The following OGDH variants were observed in gnomAD, a reference collection of about 807,000 sequenced individuals.
OGDH encodes 2-oxoglutarate dehydrogenase complex component E1.
Under a neutral mutation model 116.6 loss-of-function variants are expected in OGDH, and 38 were observed. The ratio of observed to expected loss-of-function variants is 0.33; its 90% CI spans 0.25 to 0.43. OGDH has a LOEUF of 0.43. OGDH is among the 20% of genes least tolerant of loss of function. OGDH has a pLI of 1.00. For missense variants in OGDH, 825 were observed against 1,357.2 expected, an observed-to-expected ratio of 0.61 and a Z score of 6.16; for synonymous variants, 488 against 533.3, an observed-to-expected ratio of 0.92 and a Z score of 1.17.
At chr7:44,696,346 T>G (rs1306252966) in intron 13 of OGDH, 83 bp from the exon 14 acceptor site, 1 of 1,520,988 alleles carries the variant, frequency 6.6e-7, no homozygotes, top group African/African-American at 1.4e-5. Context: ...ACCCTGCTTC[T>G]CCCCAAAATC....
intron 4 of OGDH, among the ~76,000 whole-genome samples, 160 bp downstream of exon 4, chr7:44,647,919 G>T (rs1210101419): frequency 1.3e-5 from 2 of 152,180 alleles, no homozygotes; most frequent in Non-Finnish European, 2.9e-5. Flanking sequence ...TGTGTTTTGG[G>T]CAAGTTATTT....
In OGDH at chr7:44,653,829, T is replaced by G. The variant is rs747273967; in HGVS notation, c.517+6070T>G. ...GCGTGAGCCACTGTGCCTGGCCTAA[T>G]TAAATTTGTTTTTTTTTATTTTTAT... On this transcript the variant is annotated intron_variant, in intron 4 of 22. Transcript: ENST00000222673. Among the ~76,000 whole-genome samples, 5 of 143,076 alleles carry G rather than the reference T, an allele frequency of 3.5e-5. 1 individual carries two copies. Among genetic ancestry groups the G allele is most frequent in the South Asian group, 4.3e-4 (2 of 4,634 alleles). 93.9% of individuals were successfully genotyped at this position (143,076 alleles called of 152,430 possible).
At position 44,707,502 on chromosome 7, in the gene OGDH, C is replaced by T. The variant is rs1585412179; in HGVS notation, c.2797-80C>T. 21 of 1,596,462 alleles carry T rather than the reference C, an allele frequency of 1.3e-5. No individual in the cohort carries two copies. Among genetic ancestry groups the T allele is most frequent in the Middle Eastern group, 1.7e-4 (1 of 5,988 alleles). ...CCTCAGGTTCCTGACCTTCCCTGCT[C>T]GGAACACCAGTTTCCCTTTGCTGGA... On this transcript the variant is annotated intron_variant, in intron 21 of 22. Transcript: ENST00000222673. The surrounding 1 kb of genome is among the most constrained non-coding windows in gnomAD (Gnocchi z 5.2).
intron 1 of OGDH, among the ~76,000 whole-genome samples, chr7:44,608,145 G>C (rs575343019): frequency 1.3e-5 from 2 of 152,226 alleles, no homozygotes; most frequent in Admixed American, 6.5e-5. Flanking sequence ...GCTCACGTTT[G>C]TAATCCCCAC....
chr7:44,614,218 C>A (rs1402010999), intron 1 of OGDH, among the ~76,000 whole-genome samples: 2 of 149,812 alleles, frequency 1.3e-5, no homozygotes, highest in African/African-American at 4.9e-5. Context: ...TCCCAAAGTG[C>A]TGGGATTACA....
In OGDH at chr7:44,707,229, C is replaced by G; in HGVS notation, c.2637C>G (p.Thr879=). The stretch of plus-strand genomic sequence containing the variant: ...GCCATGGGAACTCTCTTGTAGGAAC[C>G]CACTTCCAGCGGGTGATCCCAGAAG... ...RSSFDEMLPG[T]HFQRVIPEDG... Residue 879 remains threonine (T), a synonymous_variant, in exon 21 of 23, where the codon ACC becomes ACG. Transcript: ENST00000222673. This position sits in a 1 kb window ranked among gnomAD's most constrained non-coding sequence, Gnocchi z 5.2. The G allele has an allele frequency of 3.7e-6, 6 of 1,614,130 alleles. No homozygotes were observed. Among genetic ancestry groups the G allele is most frequent in the Non-Finnish European group, 5.1e-6 (6 of 1,179,970 alleles).
At chr7:44,675,096 G>T (rs1585340669) in intron 7 of OGDH, 82 bp from the exon 8 acceptor site, 2 of 821,490 alleles carry the variant, frequency 2.4e-6, no homozygotes, top group African/African-American at 1.1e-4. Context: ...GGGAGGGGGA[G>T]GGGGGGATTG....
At chr7:44,628,609 TTAAAAAAA>T (rs1785298483) in intron 2 of OGDH, among the ~76,000 whole-genome samples, 1 of 151,592 alleles carries the variant, frequency 6.6e-6, no homozygotes, top group Admixed American at 6.6e-5. Flanking sequence ...AGAAAGCTTT[TTAAAAAAA>T]TAAAAAAATG....
At position 44,693,936 on chromosome 7, in the gene OGDH, G is replaced by A; in HGVS notation, c.1447G>A (p.Val483Ile). 1.2e-6 allele frequency: 2 copies of A among 1,614,174 alleles called. No individual in the cohort carries two copies. The highest frequency in any genetic ancestry group is 1.1e-5 in the South Asian group (1 of 91,086). The change falls in exon 11 of 23, where the codon GTC (valine) becomes ATC (isoleucine). Residue 483 changes from valine to isoleucine, a missense_variant. This residue lies in a region of OGDH where 146 missense variants were observed against 317.3 expected (regional missense o/e 0.46). Transcript: ENST00000222673. Reference protein sequence around the residue: ...FHVNSDDPEAVMYVCKVAAEW... With the variant: ...FHVNSDDPEAIMYVCKVAAEW... ...CGTGAACTCAGATGACCCCGAGGCT[G>A]TCATGTACGTGTGCAAAGTGGCGGC...
chr7:44,655,738 A>G (rs1786662874), intron 4 of OGDH, among the ~76,000 whole-genome samples: 1 of 152,224 alleles, frequency 6.6e-6, no homozygotes, highest in South Asian at 2.1e-4. Context: ...GGAAGTGTAC[A>G]GCTGTGGAGA....
At chr7:44,698,077 G>A in intron 17 of OGDH, 115 bp from the exon 18 acceptor site, 2 of 1,208,830 alleles carry the variant, frequency 1.7e-6, no homozygotes, top group Non-Finnish European at 2.4e-6. Flanking sequence ...ACTGAACCCT[G>A]CCATCAAGAA....
intron 10 of OGDH, among the ~76,000 whole-genome samples, chr7:44,690,219 A>T (rs926806908): frequency 1.3e-5 from 2 of 152,236 alleles, no homozygotes; most frequent in African/African-American, 4.8e-5. Context: ...GACCTGTTCC[A>T]ACAGGGGAAC....
intron 5 of OGDH, among the ~76,000 whole-genome samples, chr7:44,670,448 G>A (rs1195167030): frequency 1.3e-5 from 2 of 152,168 alleles, no homozygotes; most frequent in Admixed American, 6.5e-5. Context: ...CCCATCCAAA[G>A]AGGGTAGGTC....
In OGDH at chr7:44,681,812, A is replaced by T. The variant is rs1787939266; in HGVS notation, c.1299A>T (p.Thr433=). 1 of 1,614,074 alleles carries T rather than the reference A, an allele frequency of 6.2e-7. No individual in the cohort carries two copies. ...TFHLSDLPSY[T]THGTVHVVVN... is the part of the protein sequence containing the mutation. ...ACCTCAGCGACCTGCCATCCTACAC[A>T]ACTCATGGCACCGTGCACGTGGTCG... is the stretch of plus-strand genomic sequence containing the variant. The change falls in exon 10 of 23, where the codon ACA becomes ACT. Residue 433 remains threonine (T), a synonymous_variant. Transcript: ENST00000222673.
chr7:44,661,877 G>A lies in OGDH; in HGVS notation c.518-4859G>A, dbSNP rs1000823958. Among the ~76,000 whole-genome samples the A allele has an allele frequency of 3.9e-5, 6 of 152,200 alleles. No homozygotes were observed. In the East Asian group the frequency reaches 5.8e-4, roughly 15 times the overall value. On this transcript the variant is annotated intron_variant, in intron 4 of 22. Transcript: ENST00000222673. ...GGCTCCCAAAGTGCTGGGATTACAG[G>A]CGTGAGCCACCACGCCTGGCGTGTT...
intron 5 of OGDH, among the ~76,000 whole-genome samples, chr7:44,671,886 G>A (rs1787475667): frequency 6.6e-6 from 1 of 151,548 alleles, no homozygotes; most frequent in Non-Finnish European, 1.5e-5. Flanking sequence ...TGGCTAACAT[G>A]GTGAAACCCT....
chr7:44,703,901 C>T (rs896375243), intron 20 of OGDH, among the ~76,000 whole-genome samples: 3 of 151,768 alleles, frequency 2.0e-5, no homozygotes, highest in African/African-American at 7.3e-5. Context: ...AAAAAAAAGA[C>T]TGAATAATAC....
rs1787207543 is a variant in OGDH, at chr7:44,666,851, G to A, written c.633G>A (p.Glu211=). ...LPLREIIRRL[E]MAYCQHIGVE... is the part of the protein sequence containing the mutation. ...TGCGGGAGATCATCCGTCGGCTGGA[G>A]GTAAGAGCAGTTTCTGGAAAAATCT... Residue 211 remains glutamate (E), a splice_region_variant and synonymous_variant, in exon 5 of 23, where the codon GAG becomes GAA. Transcript: ENST00000222673. 6.3e-7 allele frequency: 1 copy of A among 1,599,930 alleles called. No individual in the cohort carries two copies. Among genetic ancestry groups the A allele is most frequent in the Non-Finnish European group, 8.5e-7 (1 of 1,171,074 alleles).
chr7:44,666,659 T>G lies in OGDH; in HGVS notation c.518-77T>G, dbSNP rs928541477. On this transcript the variant is annotated intron_variant, in intron 4 of 22. Transcript: ENST00000222673. Reference sequence around the variant, plus strand: ...GCTCACCTGGGGAGTTCCTTCCCCTTTCCATAAACTGTGGTCCCTGCATGG... The same window carrying G: ...GCTCACCTGGGGAGTTCCTTCCCCTGTCCATAAACTGTGGTCCCTGCATGG... 40 of 674,506 alleles carry G rather than the reference T, an allele frequency of 5.9e-5. No homozygotes were observed. In the Admixed American group the frequency reaches 1.2e-3, roughly 21 times the overall value. The allele number at this position is 674,506 out of a possible 1,614,324, so 41.8% of individuals were successfully genotyped here. A position where few individuals can be genotyped will look rare whatever the true frequency, so the allele number is the denominator to read the frequency against.
Sources: allele counts gnomAD v4.1 joint callset (sites outside exome capture counted in the v4.1 genomes callset), GRCh38; gene constraint gnomAD v4.1.1; regional missense constraint gnomAD v4.1.1; non-coding constraint Gnocchi (gnomAD v3.1); transcripts MANE v1.5; gene names NCBI Gene and HGNC (gene_info 2026-07-23, HGNC 2026-07-21).